MNS1: variants seen among roughly 807,000 people sequenced by gnomAD.
MNS1 encodes meiosis specific nuclear structural 1.
In MNS1, 63 loss-of-function variants were observed where a neutral mutation model predicts 72.0. That is an observed-to-expected ratio of 0.87 (90% confidence interval 0.71 to 1.08). The LOEUF (loss-of-function observed/expected upper bound fraction) is 1.08. MNS1 is among the 50% of genes least tolerant of loss of function. MNS1 has a pLI of 0.00. For missense variants in MNS1, 604 were observed against 562.4 expected, an observed-to-expected ratio of 1.07 and a Z score of -0.75; for synonymous variants, 188 against 172.1, an observed-to-expected ratio of 1.09 and a Z score of -0.72.
At chr15:56,450,786 G>A (rs1192279683) in intron 3 of MNS1, among the ~76,000 whole-genome samples, 2 of 152,104 alleles carry the variant, frequency 1.3e-5, no homozygotes, top group Non-Finnish European at 2.9e-5. Context: ...GGAATTGCTG[G>A]CTCATATGGT....
intron 7 of MNS1, 77 bp from the exon 8 acceptor site, chr15:56,434,472 G>T: frequency 7.0e-7 from 1 of 1,428,448 alleles, no homozygotes; most frequent in Non-Finnish European, 9.4e-7. Flanking sequence ...GATAGAGTTT[G>T]GTTAAATTTA....
chr15:56,430,196 C>T (rs1293126354), intron 9 of MNS1: 1 of 152,042 alleles, frequency 6.6e-6, no homozygotes, highest in Non-Finnish European at 1.5e-5. Flanking sequence ...TTTATGTGGC[C>T]TATGAAACTG....
chr15:56,448,748 A>G (rs1596265269), intron 3 of MNS1, among the ~76,000 whole-genome samples: 1 of 134,422 alleles, frequency 7.4e-6, no homozygotes, highest in Non-Finnish European at 1.6e-5. Context: ...TTATTTTTAG[A>G]TTCTTTTTTT....
chr15:56,428,892 C>G lies in MNS1; in HGVS notation c.*209G>C. On this transcript the variant is annotated 3_prime_UTR_variant, in exon 10 of 10. Transcript: ENST00000260453. Reference sequence around the variant, plus strand: ...CAGTGCTCTGTAGTGTTGTAGAAATCGGATTTTGAAATTATCAGTACAAAA... The same window carrying G: ...CAGTGCTCTGTAGTGTTGTAGAAATGGGATTTTGAAATTATCAGTACAAAA... 2 of 498,890 alleles carry G rather than the reference C, an allele frequency of 4.0e-6. No homozygotes were observed. Among genetic ancestry groups the G allele is most frequent in the South Asian group, 5.4e-5 (2 of 36,884 alleles). The allele number at this position is 498,890 out of a possible 1,614,324, so 30.9% of individuals were successfully genotyped here. A position where few individuals can be genotyped will look rare whatever the true frequency, so the allele number is the denominator to read the frequency against.
intron 7 of MNS1, among the ~76,000 whole-genome samples, chr15:56,443,177 A>T (rs1360085810): frequency 1.3e-5 from 2 of 152,150 alleles, no homozygotes; most frequent in African/African-American, 4.8e-5. Flanking sequence ...CTTTTAAAGT[A>T]TGTATCTTCA....
chr15:56,446,990 A>C, intron 3 of MNS1, 47 bp from the exon 4 acceptor site: 1 of 1,322,376 alleles, frequency 7.6e-7, no homozygotes, highest in South Asian at 1.2e-5. Context: ...ACCATAAGAG[A>C]ATGAAAACCT....
chr15:56,455,097 A>G (rs1331625579), intron 3 of MNS1, among the ~76,000 whole-genome samples: 4 of 152,074 alleles, frequency 2.6e-5, no homozygotes, highest in African/African-American at 9.7e-5. Context: ...CCTTCCTTTC[A>G]CAGATCTTAA....
chr15:56,463,832 T>TA (rs2051039333), intron 2 of MNS1, 194 bp downstream of exon 2: 2 of 568,912 alleles, frequency 3.5e-6, no homozygotes, highest in Admixed American at 7.0e-5. Flanking sequence ...AGCTAAGGTA[T>TA]AGCAGTAGTA....
chr15:56,430,051 C>T (rs1202321903), intron 9 of MNS1: 1 of 152,090 alleles, frequency 6.6e-6, no homozygotes, highest in Non-Finnish European at 1.5e-5. Flanking sequence ...GCAGTAATTA[C>T]CTATATATCT....
chr15:56,445,757 T>C (rs1311968780), intron 4 of MNS1: 1 of 152,066 alleles, frequency 6.6e-6, no homozygotes, highest in African/African-American at 2.4e-5. Context: ...ACTTTCATTT[T>C]GTGGATCAAT....
chr15:56,433,209 A>G (rs1447761755), intron 8 of MNS1, among the ~76,000 whole-genome samples: 2 of 148,690 alleles, frequency 1.3e-5, no homozygotes, highest in East Asian at 4.1e-4. Flanking sequence ...GATGGAAGTG[A>G]CACATGGACA....
rs1389309307 is a variant in MNS1 at position 56,429,169 on chromosome 15, TATC to T, written c.1417_1419del (p.Asp473del). The T allele has an allele frequency of 6.3e-7, 1 of 1,597,426 alleles. No individual in the cohort carries two copies. The highest frequency in any genetic ancestry group is 8.5e-7 in the Non-Finnish European group (1 of 1,173,654). On this transcript the variant is annotated inframe_deletion, in exon 10 of 10. Coordinates refer to ENST00000260453, the MANE Select transcript of MNS1 (RefSeq NM_018365.4). ...CTGAACTCTTCACCAAGCAGATCAA[TATC>T]ATCCTCTTTTTTAAATACTCCCTAC...
chr15:56,436,461 G>A (rs1596256070), intron 7 of MNS1, among the ~76,000 whole-genome samples: 2 of 152,206 alleles, frequency 1.3e-5, no homozygotes, highest in East Asian at 3.8e-4. Flanking sequence ...AAAGCAGTGT[G>A]TAGAGGGAAA....
chr15:56,430,872 T>A (rs1309928517), intron 9 of MNS1, among the ~76,000 whole-genome samples: 1 of 152,106 alleles, frequency 6.6e-6, no homozygotes, highest in African/African-American at 2.4e-5. Context: ...GAAAAGAAAC[T>A]CTAAAATACA....
At chr15:56,447,125 C>T in intron 3 of MNS1, 182 bp from the exon 4 acceptor site, 1 of 517,272 alleles carries the variant, frequency 1.9e-6, no homozygotes, top group Non-Finnish European at 3.4e-6. Flanking sequence ...TTAGGGCTTA[C>T]ATTTTCTGGT....
intron 2 of MNS1, among the ~76,000 whole-genome samples, chr15:56,460,001 AAAAAAAAAATACATATATAT>A (rs1390028356): frequency 2.9e-5 from 1 of 33,900 alleles, no homozygotes; most frequent in African/African-American, 1.1e-4. Context: ...AAAAAAAAAA[AAAAAAAAAATACATATATAT>A]ATATATATAT....
intron 3 of MNS1, 68 bp downstream of exon 3, chr15:56,456,326 G>C: frequency 7.0e-7 from 1 of 1,424,058 alleles, no homozygotes; most frequent in Non-Finnish European, 9.4e-7. Flanking sequence ...TCACTTTCAG[G>C]TGCTAAGGAT....
Position 56,431,379 on chromosome 15 carries a change from G to GAGAT in MNS1, c.1385_1388dup (p.Pro464SerfsTer3), listed in dbSNP as rs780089853. 5.0e-6 allele frequency: 8 copies of GAGAT among 1,611,142 alleles called. No individual in the cohort carries two copies. The highest frequency in any genetic ancestry group is 4.5e-5 in the East Asian group (2 of 44,798). On this transcript the variant is annotated frameshift_variant, in exon 9 of 10. Transcript: ENST00000260453. LOFTEE classifies it high-confidence loss of function. The stretch of plus-strand genomic sequence containing the variant: ...TGAGATAAATCTCACTTACTTTAGG[G>GAGAT]AGATAGCCTAGTAAGTTTGTAGCAT...
At chr15:56,442,617 C>G (rs1280808716) in intron 7 of MNS1, among the ~76,000 whole-genome samples, 1 of 152,126 alleles carries the variant, frequency 6.6e-6, no homozygotes, top group Admixed American at 6.6e-5. Flanking sequence ...AGGCCATTAG[C>G]CTATGCTAAT....
Sources: allele counts gnomAD v4.1 joint callset (sites outside exome capture counted in the v4.1 genomes callset), GRCh38; gene constraint gnomAD v4.1.1; transcripts MANE v1.5; gene names NCBI Gene and HGNC (gene_info 2026-07-23, HGNC 2026-07-21).